RABEP1: variants seen among roughly 807,000 people sequenced by gnomAD.
RABEP1 encodes rabaptin, RAB GTPase binding effector protein 1.
A neutral mutation model predicts 123.4 loss-of-function variants in RABEP1; 51 were observed. The ratio of observed to expected loss-of-function variants is 0.41; its 90% CI spans 0.33 to 0.52. The LOEUF (loss-of-function observed/expected upper bound fraction) is 0.52, where lower values mean the gene tolerates loss of function less well. Ranked by LOEUF, RABEP1 falls within the 20% of genes least tolerant of loss-of-function variation. RABEP1 has a pLI of 0.16. For synonymous variants in RABEP1, 347 were observed against 355.2 expected (o/e 0.98, Z 0.26); for missense variants, 888 against 996.3 (o/e 0.89, Z 1.46).
intron 2 of RABEP1, among the ~76,000 whole-genome samples, chr17:5,330,713 A>G (rs956303622): frequency 6.6e-6 from 1 of 152,040 alleles, no homozygotes; most frequent in Non-Finnish European, 1.5e-5. Context: ...ATACCTTACA[A>G]CTTTAGATGC....
chr17:5,332,055 G>T lies in RABEP1; in HGVS notation c.270G>T (p.Ala90=). The change falls in exon 3 of 18, where the codon GCG becomes GCT. Residue 90 remains alanine, a synonymous_variant. Transcript: ENST00000537505. Reference sequence around the variant, plus strand: ...AAGCAGAGATGGAGAATATTAAGGCGATTGCCACAGTCTCTGAGAACACCA... The same window carrying T: ...AAGCAGAGATGGAGAATATTAAGGCTATTGCCACAGTCTCTGAGAACACCA... ...EAQAEMENIK[A]IATVSENTKQ... 1 of 1,614,074 alleles carries T rather than the reference G, an allele frequency of 6.2e-7. No individual in the cohort carries two copies. The highest frequency in any genetic ancestry group is 8.5e-7 in the Non-Finnish European group (1 of 1,179,992).
intron 2 of RABEP1, among the ~76,000 whole-genome samples, chr17:5,316,849 A>AT (rs1179600195): frequency 4.0e-5 from 6 of 151,152 alleles, no homozygotes; most frequent in African/African-American, 1.5e-4. Flanking sequence ...AAAAAAAAAA[A>AT]AAAAAAATAT....
chr17:5,311,855 C>CTATTGTAG (rs2075246408), intron 2 of RABEP1, among the ~76,000 whole-genome samples: 1 of 152,032 alleles, frequency 6.6e-6, no homozygotes. Context: ...AGCATCAATT[C>CTATTGTAG]TATTGTAGTT....
At chr17:5,289,917 A>C (rs973821786) in intron 1 of RABEP1, among the ~76,000 whole-genome samples, 1 of 152,262 alleles carries the variant, frequency 6.6e-6, no homozygotes, top group East Asian at 1.9e-4. Flanking sequence ...GAATTAGGTA[A>C]TGGCCTTTAA....
chr17:5,361,759 C>T (rs1001976414), intron 9 of RABEP1, 84 bp downstream of exon 9: 51 of 1,205,896 alleles, frequency 4.2e-5, no homozygotes, highest in African/African-American at 3.9e-4. Context: ...ATTCAACAGA[C>T]GGTTCCTGGA....
intron 15 of RABEP1, 35 bp from the exon 16 acceptor site, chr17:5,380,329 G>C: frequency 1.4e-6 from 2 of 1,444,428 alleles, no homozygotes; most frequent in Non-Finnish European, 1.9e-6. Flanking sequence ...CCCAGAGGGA[G>C]TTTCTGTGAG....
At chr17:5,293,624 C>T (rs1241133136) in intron 1 of RABEP1, among the ~76,000 whole-genome samples, 1 of 152,102 alleles carries the variant, frequency 6.6e-6, no homozygotes, top group Non-Finnish European at 1.5e-5. Context: ...CCTGGCTGGT[C>T]TCAAACTCCT....
chr17:5,285,549 C>T (rs1357663692), intron 1 of RABEP1, among the ~76,000 whole-genome samples: 2 of 152,180 alleles, frequency 1.3e-5, no homozygotes, highest in African/African-American at 4.8e-5. Context: ...ATACATAAGT[C>T]TGCAACTTCC....
chr17:5,377,518 AAATTTTTTTTTT>A (rs1911094889), intron 14 of RABEP1, among the ~76,000 whole-genome samples: 1 of 125,832 alleles, frequency 7.9e-6, no homozygotes, highest in East Asian at 2.3e-4. Flanking sequence ...GTTATTTAAA[AAATTTTTTTTTT>A]TTTTTTTTTT....
chr17:5,368,818 T>C (rs548134522), intron 12 of RABEP1, among the ~76,000 whole-genome samples: 1 of 152,340 alleles, frequency 6.6e-6, no homozygotes, highest in South Asian at 2.1e-4. Context: ...TGACCAGTCA[T>C]TTTGTGATTT....
intron 4 of RABEP1, among the ~76,000 whole-genome samples, chr17:5,337,333 T>G (rs1005488480): frequency 6.6e-6 from 1 of 152,190 alleles, no homozygotes; most frequent in Non-Finnish European, 1.5e-5. Flanking sequence ...TAATCAGCCC[T>G]TTCATTATTC....
intron 10 of RABEP1, 33 bp downstream of exon 10, chr17:5,363,049 T>C (rs750321410): frequency 6.6e-7 from 1 of 1,521,434 alleles, no homozygotes; most frequent in Non-Finnish European, 9.1e-7. Context: ...AAATTGGATA[T>C]TGTCGTTTTC....
intron 1 of RABEP1, among the ~76,000 whole-genome samples, chr17:5,299,594 T>TTCAC (rs2075114246): frequency 8.0e-6 from 1 of 124,584 alleles, no homozygotes; most frequent in East Asian, 3.1e-4. Flanking sequence ...TCTGAATTCA[T>TTCAC]TTTTAGTCAC....
chr17:5,315,340 C>T (rs2075285347), intron 2 of RABEP1, among the ~76,000 whole-genome samples: 1 of 152,100 alleles, frequency 6.6e-6, no homozygotes, highest in Non-Finnish European at 1.5e-5. Flanking sequence ...GAAACCAGTA[C>T]TGAGTTCTTC....
At chr17:5,318,903 C>A (rs139692305) in intron 2 of RABEP1, among the ~76,000 whole-genome samples, 1 of 152,252 alleles carries the variant, frequency 6.6e-6, no homozygotes, top group Non-Finnish European at 1.5e-5. Flanking sequence ...GTTCAACATT[C>A]AAAAATCAAT....
chr17:5,329,395 G>A (rs940210920), intron 2 of RABEP1, among the ~76,000 whole-genome samples: 2 of 152,196 alleles, frequency 1.3e-5, no homozygotes, highest in South Asian at 2.1e-4. Context: ...GCTGGGCGTG[G>A]TGGCACGCGC....
rs1911882073 is a variant in RABEP1 at position 5,385,508 on chromosome 17, A to G, written c.*2285A>G. The G allele has an allele frequency of 4.3e-6, 1 of 230,806 alleles. No homozygotes were observed. The highest frequency in any genetic ancestry group is 8.6e-6 in the Non-Finnish European group (1 of 116,622). 14.3% of individuals were successfully genotyped at this position (230,806 alleles called of 1,614,324 possible). A position where few individuals can be genotyped will look rare whatever the true frequency, so the allele number is the denominator to read the frequency against. On this transcript the variant is annotated 3_prime_UTR_variant, in exon 18 of 18. Coordinates refer to ENST00000537505, the MANE Select transcript of RABEP1 (RefSeq NM_004703.6). ...AGAACTCACATTGGCAAGTGTAAAA[A>G]GATGACTTAAGGTGAAGTGAGGACA...
At position 5,282,508 on chromosome 17, in the gene RABEP1, T is replaced by C; in HGVS notation, c.22T>C (p.Ser8Pro). Residue 8 changes from serine (S) to proline (P), a missense_variant, in exon 1 of 18, where the codon TCC (serine) becomes CCC (proline). Transcript: ENST00000537505. ...GGTCATGGCGCAGCCGGGCCCGGCT[T>C]CCCAGCCTGACGGTGAGGCGCCCAC... MAQPGPASQPDVSLQQRV... is the reference protein window; with the variant it reads MAQPGPAPQPDVSLQQRV... 2.4e-6 allele frequency: 3 copies of C among 1,257,470 alleles called. No homozygotes were observed. The highest frequency in any genetic ancestry group is 3.0e-4 in the Middle Eastern group (1 of 3,304). The allele number at this position is 1,257,470 out of a possible 1,614,324, so 77.9% of individuals were successfully genotyped here.
intron 1 of RABEP1, among the ~76,000 whole-genome samples, chr17:5,297,155 T>C (rs2075091130): frequency 6.6e-6 from 1 of 152,216 alleles, no homozygotes. Flanking sequence ...ATTATTTCCT[T>C]AGGATAAATT....
Sources: gnomAD v4.1 joint callset for allele counts (sites outside exome capture counted in the v4.1 genomes callset) on GRCh38, gnomAD v4.1.1 for gene constraint, MANE v1.5 for transcripts, NCBI Gene and HGNC (gene_info 2026-07-23, HGNC 2026-07-21) for gene names.